Variants in ABLIM1 observed in about 807,000 individuals in gnomAD.
ABLIM1 encodes actin binding LIM protein 1.
In ABLIM1, 40 loss-of-function variants were observed where a neutral mutation model predicts 107.0. The observed-to-expected ratio is 0.37, with a 90% CI of 0.29 to 0.49. The LOEUF (loss-of-function observed/expected upper bound fraction) is 0.49. Among genes scored for constraint, ABLIM1 ranks in the 20% least tolerant of loss-of-function variants. ABLIM1 has a pLI of 0.97. For synonymous variants in ABLIM1, 357 were observed against 357.3 expected, an observed-to-expected ratio of 1.00 and a Z score of 0.01; for missense variants, 857 against 1,008.5, an observed-to-expected ratio of 0.85 and a Z score of 2.04.
chr10:114,491,008 G>GTATATA (rs1347498391), intron 7 of ABLIM1, among the ~76,000 whole-genome samples: 17 of 86,496 alleles, frequency 2.0e-4, no homozygotes, highest in African/African-American at 9.0e-4. Flanking sequence ...GTGTGTGTGT[G>GTATATA]TGTGTATATA....
chr10:114,771,934 A>T (rs2083029314), upstream of ABLIM1, among the ~76,000 whole-genome samples: 1 of 152,140 alleles, frequency 6.6e-6, no homozygotes, highest in South Asian at 2.1e-4. Flanking sequence ...TTTTTTCTTT[A>T]TTGATTTTTT....
At chr10:114,785,551 C>T in the ABLIM1 span, among the ~76,000 whole-genome samples, 2 of 151,844 alleles carry the variant, frequency 1.3e-5, no homozygotes, top group African/African-American at 4.8e-5. Flanking sequence ...GGTAGGGGGG[C>T]ATGGGTGTAG....
chr10:114,671,191 T>C (rs2141389716), intron 1 of ABLIM1, among the ~76,000 whole-genome samples: 1 of 152,388 alleles, frequency 6.6e-6, no homozygotes, highest in South Asian at 2.1e-4. Flanking sequence ...TGTGACAGTA[T>C]GTTCTCTTCC....
rs185527851 is a variant in ABLIM1, at chr10:114,676,408, C to T, written c.64+7882G>A. ...AGGAGAATGGCTTGAACCCGGGAAG[C>T]GGAGATTGCAGTGAACCGAGATCGC... On this transcript the variant is annotated intron_variant, in intron 1 of 23. Transcript: ENST00000369256. Among the ~76,000 whole-genome samples the T allele has an allele frequency of 7.1e-3, 1,078 of 151,782 alleles. 13 individuals are homozygous for T. Among genetic ancestry groups the T allele is most frequent in the African/African-American group, 0.024 (994 of 41,386 alleles).
intron 1 of ABLIM1, among the ~76,000 whole-genome samples, chr10:114,720,197 A>G (rs1220109594): frequency 1.3e-5 from 2 of 152,216 alleles, no homozygotes; most frequent in East Asian, 1.9e-4. Flanking sequence ...TGCAAATGAC[A>G]TGATCTCATT....
At chr10:114,495,375 G>A (rs2059531529) in intron 6 of ABLIM1, among the ~76,000 whole-genome samples, 1 of 152,250 alleles carries the variant, frequency 6.6e-6, no homozygotes, top group Non-Finnish European at 1.5e-5. Flanking sequence ...AAGTAGAGAT[G>A]ATGATGGTGA....
intron 6 of ABLIM1, among the ~76,000 whole-genome samples, chr10:114,534,028 C>T (rs1289483834): frequency 6.6e-6 from 1 of 152,172 alleles, no homozygotes; most frequent in African/African-American, 2.4e-5. Context: ...AACTCTTTTT[C>T]TGCTCCCCCA....
intron 1 of ABLIM1, among the ~76,000 whole-genome samples, chr10:114,641,760 T>C (rs536350784): frequency 6.6e-6 from 1 of 152,222 alleles, no homozygotes; most frequent in East Asian, 1.9e-4. Context: ...ACCTGGTATG[T>C]TCAAGGCAGT....
intron 6 of ABLIM1, among the ~76,000 whole-genome samples, chr10:114,510,565 A>G (rs1299244758): frequency 6.6e-6 from 1 of 151,958 alleles, no homozygotes; most frequent in East Asian, 1.9e-4. Context: ...ATTTTTTTGT[A>G]TAAAATAGTC....
chr10:114,601,726 T>C, intron 2 of ABLIM1, 101 bp downstream of exon 2: 1 of 1,555,606 alleles, frequency 6.4e-7, no homozygotes, highest in Non-Finnish European at 8.9e-7. Context: ...AGCATTCGCT[T>C]ATCATCCAGT....
In ABLIM1 at chr10:114,630,927, A is replaced by G. The variant is rs75181916; in HGVS notation, c.244+27030T>C. Among the ~76,000 whole-genome samples the G allele has an allele frequency of 1.5e-3, 226 of 152,342 alleles. 3 individuals are homozygous for G. The highest frequency in any genetic ancestry group is 5.1e-3 in the African/African-American group (214 of 41,572). On this transcript the variant is annotated intron_variant, in intron 1 of 22. Transcript: ENST00000533213. ...AAAAATAAGTTACAGAAAAATGATC[A>G]TAGAATGATTCAATTTTTATATTCA...
intron 1 of ABLIM1, among the ~76,000 whole-genome samples, chr10:114,643,044 C>T (rs1405607616): frequency 1.3e-5 from 2 of 152,182 alleles, no homozygotes; most frequent in African/African-American, 4.8e-5. Flanking sequence ...AAGCACAACA[C>T]CGTGAACCCT....
chr10:114,492,319 A>AC (rs1485167482), intron 6 of ABLIM1, among the ~76,000 whole-genome samples: 2 of 151,830 alleles, frequency 1.3e-5, no homozygotes, highest in Non-Finnish European at 2.9e-5. Flanking sequence ...AATAAAATCT[A>AC]CCCCAATGGC....
intron 6 of ABLIM1, among the ~76,000 whole-genome samples, chr10:114,522,754 T>G (rs2063944641): frequency 6.6e-6 from 1 of 152,232 alleles, no homozygotes; most frequent in Non-Finnish European, 1.5e-5. Context: ...GTTTGTTTCC[T>G]CTTTGATGAA....
At chr10:114,751,581 C>A (rs533061126) in intron 1 of ABLIM1, among the ~76,000 whole-genome samples, 4 of 151,754 alleles carry the variant, frequency 2.6e-5, no homozygotes, top group Admixed American at 6.6e-5. Context: ...GAAACCCCGT[C>A]TCTACTAAAA....
In ABLIM1 at chr10:114,439,156, A is replaced by T. The variant is rs1327046550; in HGVS notation, c.2142+20T>A. 5.0e-6 allele frequency: 8 copies of T among 1,614,114 alleles called. No individual in the cohort carries two copies. The highest frequency in any genetic ancestry group is 6.8e-6 in the Non-Finnish European group (8 of 1,179,914). On this transcript the variant is annotated intron_variant, in intron 21 of 22. Transcript: ENST00000533213. Reference sequence around the variant, plus strand: ...GTTACGCCATTCCCATATGAGAGGAAAAAGAACAGCTGCACTTGCCTTTGG... The same window carrying T: ...GTTACGCCATTCCCATATGAGAGGATAAAGAACAGCTGCACTTGCCTTTGG...
intron 2 of ABLIM1, among the ~76,000 whole-genome samples, chr10:114,583,920 G>A (rs142311057): frequency 6.7e-4 from 102 of 152,114 alleles, no homozygotes; most frequent in African/African-American, 2.2e-3. Flanking sequence ...TAAACTGTGG[G>A]TACATATGGA....
At chr10:114,716,746 C>T (rs1450607217) in intron 1 of ABLIM1, among the ~76,000 whole-genome samples, 2 of 151,218 alleles carry the variant, frequency 1.3e-5, no homozygotes, top group Non-Finnish European at 2.9e-5. Flanking sequence ...TGAGAGGTTT[C>T]GTGCAGGTCT....
At chr10:114,441,901 C>T in intron 17 of ABLIM1, 115 bp from the exon 18 acceptor site, 1 of 888,046 alleles carries the variant, frequency 1.1e-6, no homozygotes, top group Non-Finnish European at 1.8e-6. Flanking sequence ...AAATTCAAAT[C>T]ATATTGGGCT....
Sources: gnomAD v4.1 joint callset for allele counts (sites outside exome capture counted in the v4.1 genomes callset) on GRCh38, gnomAD v4.1.1 for gene constraint, MANE v1.5 for transcripts, NCBI Gene and HGNC (gene_info 2026-07-23, HGNC 2026-07-21) for gene names.